TNIK: variants seen among roughly 807,000 people sequenced by gnomAD.
The protein encoded by TNIK is TRAF2 and NCK interacting kinase, also known as TRAF2 and NCK-interacting protein kinase.
Under a neutral mutation model 191.3 loss-of-function variants are expected in TNIK, and 49 were observed. That is an observed-to-expected ratio of 0.26 (90% confidence interval 0.20 to 0.32). TNIK has a LOEUF of 0.32. Ranked by LOEUF, TNIK falls within the 10% of genes least tolerant of loss-of-function variation. The pLI, the probability that TNIK is intolerant of heterozygous loss-of-function variation, is 1.00. For synonymous variants in TNIK, 594 were observed against 600.9 expected, an observed-to-expected ratio of 0.99 and a Z score of 0.17; for missense variants, 1,155 against 1,702.3, an observed-to-expected ratio of 0.68 and a Z score of 5.66.
intron 18 of TNIK, among the ~76,000 whole-genome samples, chr3:171,117,296 C>T (rs753577513): frequency 1.3e-5 from 2 of 152,194 alleles, no homozygotes; most frequent in Non-Finnish European, 2.9e-5. Flanking sequence ...AAGCAAGCTG[C>T]ACCCATGCTA....
chr3:171,353,492 G>T (rs1713530628), intron 2 of TNIK, among the ~76,000 whole-genome samples: 1 of 152,132 alleles, frequency 6.6e-6, no homozygotes, highest in Non-Finnish European at 1.5e-5. Context: ...ATACATACGG[G>T]ATTACATACT....
At chr3:171,415,764 T>C (rs565338890) in intron 1 of TNIK, among the ~76,000 whole-genome samples, 43 of 151,770 alleles carry the variant, frequency 2.8e-4, no homozygotes, top group African/African-American at 1.0e-3. Context: ...GCAGATCACC[T>C]GAGGTCAGGA....
intron 2 of TNIK, among the ~76,000 whole-genome samples, chr3:171,340,109 T>G (rs1222784623): frequency 6.6e-6 from 1 of 152,158 alleles, no homozygotes; most frequent in African/African-American, 2.4e-5. Context: ...TAAAGAATAT[T>G]TGATGACATG....
At chr3:171,280,063 T>C (rs6790834) in intron 2 of TNIK, among the ~76,000 whole-genome samples, 2,892 of 152,296 alleles carry the variant, frequency 0.019, 96 homozygotes, top group African/African-American at 0.067. Context: ...TACTTTCCCA[T>C]CTGGAATCTG....
chr3:171,120,495 A>G (rs1480755657), intron 18 of TNIK, among the ~76,000 whole-genome samples: 2 of 151,662 alleles, frequency 1.3e-5, no homozygotes, highest in Non-Finnish European at 2.9e-5. Flanking sequence ...TAATTTTTGT[A>G]TTTTTAGTAG....
In TNIK at chr3:171,276,339, T is replaced by G. The variant is rs1331574958; in HGVS notation, c.124-48118A>C. Among the ~76,000 whole-genome samples, 5 of 151,966 alleles carry G rather than the reference T, an allele frequency of 3.3e-5. No individual in the cohort carries two copies. In the East Asian group the frequency reaches 9.6e-4, roughly 29 times the overall value. On this transcript the variant is annotated intron_variant, in intron 2 of 32. Coordinates refer to ENST00000436636, the MANE Select transcript of TNIK (RefSeq NM_015028.4). ...GGATCTGAAGGAGGAACTTCCAGAG[T>G]GACAGGTAAGCATCAAGCCTAGGGA...
At chr3:171,283,891 C>A (rs1358370917) in intron 2 of TNIK, among the ~76,000 whole-genome samples, 2 of 152,228 alleles carry the variant, frequency 1.3e-5, no homozygotes, top group Admixed American at 1.3e-4. Flanking sequence ...AGGTTTTCCA[C>A]AACCCACAAA....
chr3:171,327,504 T>A (rs758839375), intron 2 of TNIK, among the ~76,000 whole-genome samples: 1 of 152,146 alleles, frequency 6.6e-6, no homozygotes, highest in Non-Finnish European at 1.5e-5. Context: ...CAAAGATGGA[T>A]ACGCTCTCTC....
chr3:171,310,445 G>C (rs987661097), intron 2 of TNIK, among the ~76,000 whole-genome samples: 1 of 152,026 alleles, frequency 6.6e-6, no homozygotes, highest in African/African-American at 2.4e-5. Context: ...AAAGATGTTT[G>C]ATAACCAAAT....
intron 2 of TNIK, among the ~76,000 whole-genome samples, chr3:171,330,670 C>T (rs969054431): frequency 3.3e-5 from 5 of 152,200 alleles, no homozygotes; most frequent in East Asian, 1.9e-4. Context: ...GGGAACCTAG[C>T]GGCCAAAAAC....
chr3:171,098,308 C>CTGAT (rs1723005079), intron 22 of TNIK, among the ~76,000 whole-genome samples: 1 of 151,728 alleles, frequency 6.6e-6, no homozygotes, highest in African/African-American at 2.4e-5. Context: ...TATTTTTTTC[C>CTGAT]TGATTATAAA....
intron 9 of TNIK, 117 bp from the exon 10 acceptor site, chr3:171,167,387 G>C (rs1481085835): frequency 1.6e-6 from 2 of 1,258,672 alleles, no homozygotes; most frequent in Admixed American, 5.1e-5. Flanking sequence ...GCTGGCATAG[G>C]GATCATCCAC....
chr3:171,162,809 G>A (rs899720826), intron 10 of TNIK, among the ~76,000 whole-genome samples: 1 of 152,162 alleles, frequency 6.6e-6, no homozygotes, highest in Non-Finnish European at 1.5e-5. Context: ...GTCAATCTAG[G>A]ATTTGGATTT....
chr3:171,444,479 T>C (rs1287121338), intron 1 of TNIK, among the ~76,000 whole-genome samples: 1 of 150,776 alleles, frequency 6.6e-6, no homozygotes, highest in East Asian at 2.0e-4. Context: ...ACTCAATCCC[T>C]ACAGGCCTAT....
intron 4 of TNIK, among the ~76,000 whole-genome samples, chr3:171,206,226 A>G (rs546419397): frequency 1.3e-5 from 2 of 151,836 alleles, no homozygotes; most frequent in African/African-American, 2.4e-5. Flanking sequence ...CAGTATATAT[A>G]TGTATCTATA....
intron 2 of TNIK, among the ~76,000 whole-genome samples, chr3:171,314,305 C>T (rs943578648): frequency 6.6e-6 from 1 of 152,148 alleles, no homozygotes. Flanking sequence ...TGGCCTTCCC[C>T]CTCTGCCTAT....
rs112157731 is a variant in TNIK, at chr3:171,229,472, T to C, written c.124-1251A>G. ...GCCTAGTGTGATTCAGATTCAGTAG[T>C]TGAAGTTGGTGAAAATGTGCTAGTT... is the stretch of plus-strand genomic sequence containing the variant. On this transcript the variant is annotated intron_variant, in intron 2 of 32. Coordinates refer to ENST00000436636, the MANE Select transcript of TNIK (RefSeq NM_015028.4). 5.2e-3 allele frequency among the ~76,000 whole-genome samples: 790 copies of C among 152,380 alleles called. 6 individuals carry two copies. The highest frequency in any genetic ancestry group is 0.012 in the Admixed American group (191 of 15,302).
chr3:171,153,203 G>A (rs1732701402), intron 12 of TNIK, among the ~76,000 whole-genome samples: 1 of 152,066 alleles, frequency 6.6e-6, no homozygotes, highest in South Asian at 2.1e-4. Context: ...CTAAATCTTT[G>A]CTTCTATAGC....
intron 12 of TNIK, among the ~76,000 whole-genome samples, chr3:171,150,357 T>G (rs1020140816): frequency 2.6e-5 from 4 of 152,156 alleles, no homozygotes; most frequent in African/African-American, 7.2e-5. Context: ...ACAAAGGAAG[T>G]AAGTGGCAGA....
Sources: gnomAD v4.1 joint callset for allele counts (sites outside exome capture counted in the v4.1 genomes callset) on GRCh38, gnomAD v4.1.1 for gene constraint, MANE v1.5 for transcripts, NCBI Gene and HGNC (gene_info 2026-07-23, HGNC 2026-07-21) for gene names.